Variants in MRPL45 observed in about 807,000 individuals in gnomAD.
The protein encoded by MRPL45 is mitochondrial ribosomal protein L45.
A neutral mutation model predicts 38.1 loss-of-function variants in MRPL45; 20 were observed. The observed-to-expected ratio is 0.53, with a 90% confidence interval of 0.37 to 0.76. The LOEUF is 0.76. MRPL45 is among the 30% of genes least tolerant of loss of function. The pLI, the probability that MRPL45 is intolerant of heterozygous loss-of-function variation, is 0.00. For synonymous variants in MRPL45, 105 were observed against 128.8 expected, an observed-to-expected ratio of 0.82 and a Z score of 1.25; for missense variants, 337 against 395.6, an observed-to-expected ratio of 0.85 and a Z score of 1.26.
At chr17:38,308,807 C>T (rs573363299) in intron 4 of MRPL45, among the ~76,000 whole-genome samples, 77 of 152,046 alleles carry the variant, frequency 5.1e-4, no homozygotes, top group African/African-American at 1.6e-3. Flanking sequence ...AACTCCTGAC[C>T]TCAGGTGATC....
At chr17:38,317,679 C>G (rs1382898603) in intron 4 of MRPL45, among the ~76,000 whole-genome samples, 1 of 151,958 alleles carries the variant, frequency 6.6e-6, no homozygotes, top group African/African-American at 2.4e-5. Flanking sequence ...TCATGCCATT[C>G]TCCTGCCTTA....
At chr17:38,307,858 A>T (rs1241205531) in intron 4 of MRPL45, among the ~76,000 whole-genome samples, 5 of 151,812 alleles carry the variant, frequency 3.3e-5, no homozygotes, top group Non-Finnish European at 7.4e-5. Context: ...AAAAAAATTT[A>T]TTTATTTTGA....
chr17:38,297,933 CA>C (rs1207028771), intron 1 of MRPL45, among the ~76,000 whole-genome samples: 1 of 152,088 alleles, frequency 6.6e-6, no homozygotes, highest in African/African-American at 2.4e-5. Flanking sequence ...CTGGTCTTTA[CA>C]AAAAAATTTT....
chr17:38,297,798 T>C (rs1360879033), intron 1 of MRPL45, among the ~76,000 whole-genome samples: 1 of 152,200 alleles, frequency 6.6e-6, no homozygotes, highest in Non-Finnish European at 1.5e-5. Context: ...TTGCTTATGC[T>C]TTAAGCATAG....
intron 4 of MRPL45, among the ~76,000 whole-genome samples, chr17:38,314,641 A>G (rs1352025574): frequency 6.6e-6 from 1 of 152,116 alleles, no homozygotes; most frequent in Non-Finnish European, 1.5e-5. Flanking sequence ...GTTTTTGTAT[A>G]TAGTGAAAAC....
At chr17:38,306,185 G>A (rs759269383) in intron 3 of MRPL45, among the ~76,000 whole-genome samples, 3 of 151,748 alleles carry the variant, frequency 2.0e-5, no homozygotes, top group Non-Finnish European at 2.9e-5. Context: ...CGAGGCGGGC[G>A]GATCCTGAGG....
In MRPL45 at chr17:38,323,171, T is replaced by G. The variant is rs567011745; in HGVS notation, c.*576T>G. On this transcript the variant is annotated 3_prime_UTR_variant, in exon 8 of 8. Coordinates refer to ENST00000613675, the MANE Select transcript of MRPL45 (RefSeq NM_032351.6). The stretch of plus-strand genomic sequence containing the variant: ...TACTGACTCACTGATGAATCAGCAT[T>G]TGCATTTTATGGAAAAATATAAATC... The G allele has an allele frequency of 6.6e-6, 1 of 152,544 alleles. No homozygotes were observed. The highest frequency in any genetic ancestry group is 2.4e-5 in the African/African-American group (1 of 41,582). The allele number at this position is 152,544 out of a possible 1,614,324, so 9.4% of individuals were successfully genotyped here.
chr17:38,322,322 A>G, intron 7 of MRPL45, 23 bp downstream of exon 7: 1 of 1,611,036 alleles, frequency 6.2e-7, no homozygotes, highest in Non-Finnish European at 8.5e-7. Flanking sequence ...GCATGGTTTA[A>G]GAGAGCTGAG....
rs1441787595 is a variant in MRPL45, at chr17:38,313,310, A to AT, written c.462-5377_462-5376insT. Among the ~76,000 whole-genome samples, 64 of 10,328 alleles carry AT rather than the reference A, an allele frequency of 6.2e-3. 2 individuals carry two copies. The highest frequency in any genetic ancestry group is 0.021 in the African/African-American group (47 of 2,226). 6.8% of individuals were successfully genotyped at this position (10,328 alleles called of 152,430 possible). The stretch of plus-strand genomic sequence containing the variant: ...TTTCCTTTCTATTAAAAAAAAAAAA[A>AT]AATATATATATATATATATATACAT... On this transcript the variant is annotated intron_variant, in intron 4 of 7. Coordinates refer to ENST00000613675, the MANE Select transcript of MRPL45 (RefSeq NM_032351.6).
At chr17:38,317,046 T>C (rs2037181201) in intron 4 of MRPL45, among the ~76,000 whole-genome samples, 2 of 152,176 alleles carry the variant, frequency 1.3e-5, no homozygotes, top group Non-Finnish European at 2.9e-5. Context: ...TCTGCCCACC[T>C]TGGCCTCCCA....
At chr17:38,312,984 GTT>G (rs71138604) in intron 4 of MRPL45, among the ~76,000 whole-genome samples, 10 of 113,678 alleles carry the variant, frequency 8.8e-5, no homozygotes, top group African/African-American at 2.1e-4. Context: ...CTTTTTATTG[GTT>G]TTTTTTTTTT....
chr17:38,310,130 C>T (rs995041960), intron 4 of MRPL45, among the ~76,000 whole-genome samples: 52 of 122,204 alleles, frequency 4.3e-4, no homozygotes, highest in Middle Eastern at 4.4e-3. Flanking sequence ...TTAGAATTTT[C>T]TTTTTTTTTT....
chr17:38,322,455 T>C, intron 7 of MRPL45, 54 bp from the exon 8 acceptor site: 1 of 1,485,330 alleles, frequency 6.7e-7, no homozygotes, highest in Non-Finnish European at 9.3e-7. Flanking sequence ...ATGAAGCTCT[T>C]CTGGGTCAGC....
intron 4 of MRPL45, among the ~76,000 whole-genome samples, chr17:38,311,379 G>A (rs2037109780): frequency 6.6e-6 from 1 of 152,086 alleles, no homozygotes; most frequent in Non-Finnish European, 1.5e-5. Flanking sequence ...TGAATGGGAA[G>A]AGTGCCCTTA....
At chr17:38,303,966 C>A (rs1245079599) in intron 3 of MRPL45, among the ~76,000 whole-genome samples, 1 of 152,082 alleles carries the variant, frequency 6.6e-6, no homozygotes, top group African/African-American at 2.4e-5. Context: ...ACGTTGTATT[C>A]CCTGTTGCTT....
intron 3 of MRPL45, 63 bp downstream of exon 3, chr17:38,299,531 C>T: frequency 1.0e-5 from 14 of 1,400,076 alleles, no homozygotes; most frequent in Non-Finnish European, 1.3e-5. Flanking sequence ...CTACTTTATC[C>T]CAAAGAGACC....
At chr17:38,303,826 A>G (rs1475192466) in intron 3 of MRPL45, among the ~76,000 whole-genome samples, 1 of 150,448 alleles carries the variant, frequency 6.6e-6, no homozygotes, top group African/African-American at 2.5e-5. Flanking sequence ...TCCCGGGTTC[A>G]AGCGATTCTC....
intron 6 of MRPL45, among the ~76,000 whole-genome samples, chr17:38,320,999 C>T (rs1462143498): frequency 1.3e-5 from 2 of 151,512 alleles, no homozygotes; most frequent in Non-Finnish European, 1.5e-5. Context: ...TCCCCCAAGA[C>T]AGGGTCTCAT....
At chr17:38,316,994 C>T (rs992631780) in intron 4 of MRPL45, among the ~76,000 whole-genome samples, 25 of 152,028 alleles carry the variant, frequency 1.6e-4, no homozygotes, top group Middle Eastern at 3.2e-3. Context: ...GACAGGGTTT[C>T]ACCATGTTGG....
Sources: gnomAD v4.1 joint callset for allele counts (sites outside exome capture counted in the v4.1 genomes callset) on GRCh38, gnomAD v4.1.1 for gene constraint, MANE v1.5 for transcripts, NCBI Gene and HGNC (gene_info 2026-07-23, HGNC 2026-07-21) for gene names.